SPHKAP: variants seen among roughly 807,000 people sequenced by gnomAD.
SPHKAP encodes the protein SPHK1 interactor, AKAP domain containing, also known as A-kinase anchor protein SPHKAP.
A neutral mutation model predicts 137.5 loss-of-function variants in SPHKAP; 67 were observed. The observed-to-expected ratio is 0.49, with a 90% CI of 0.40 to 0.60. SPHKAP has a LOEUF of 0.60. Ranked by LOEUF, SPHKAP falls within the 20% of genes least tolerant of loss-of-function variation. SPHKAP has a pLI of 0.00. For missense variants in SPHKAP, 2,097 were observed against 2,069.3 expected (o/e 1.01, Z -0.26); for synonymous variants, 813 against 785.3 (o/e 1.04, Z -0.59).
intron 1 of SPHKAP, among the ~76,000 whole-genome samples, chr2:228,172,424 G>A (rs1450279325): frequency 6.6e-6 from 1 of 152,168 alleles, no homozygotes; most frequent in Non-Finnish European, 1.5e-5. Context: ...TGGTCAGGGT[G>A]AGACTCATTT....
At chr2:228,109,004 T>TCA in intron 2 of SPHKAP, 65 bp from the exon 3 acceptor site, 7 of 939,570 alleles carry the variant, frequency 7.5e-6, no homozygotes, top group Non-Finnish European at 1.0e-5. Flanking sequence ...AGCAGCTCTC[T>TCA]CTCTTTTTTT....
intron 3 of SPHKAP, among the ~76,000 whole-genome samples, chr2:228,030,992 G>A (rs1454039478): frequency 6.6e-6 from 1 of 152,192 alleles, no homozygotes; most frequent in African/African-American, 2.4e-5. Context: ...TTCTATCTGA[G>A]GTACCAGGCT....
At chr2:228,092,164 TGTGTACACACAC>T (rs1697769411) in intron 3 of SPHKAP, among the ~76,000 whole-genome samples, 1 of 112,076 alleles carries the variant, frequency 8.9e-6, no homozygotes, top group African/African-American at 3.4e-5. Flanking sequence ...TACATATATG[TGTGTACACACAC>T]ATGTGTGTAC....
At chr2:228,059,637 T>G (rs1696568373) in intron 3 of SPHKAP, among the ~76,000 whole-genome samples, 2 of 152,184 alleles carry the variant, frequency 1.3e-5, no homozygotes. Context: ...AATTCTTGTC[T>G]TTAGGTAACA....
chr2:228,045,347 A>T (rs77638755), intron 3 of SPHKAP, among the ~76,000 whole-genome samples: 2 of 121,784 alleles, frequency 1.6e-5, no homozygotes, highest in African/African-American at 6.6e-5. Context: ...TGGAACCAAC[A>T]CAAATGTCCA....
At chr2:228,140,849 C>T (rs1187774200) in intron 1 of SPHKAP, among the ~76,000 whole-genome samples, 3 of 152,084 alleles carry the variant, frequency 2.0e-5, no homozygotes, top group African/African-American at 7.2e-5. Context: ...ATGCCCACTC[C>T]CCCTTTGTCT....
Position 228,173,526 on chromosome 2 carries a change from T to C in SPHKAP, c.32+8041A>G, listed in dbSNP as rs535651230. 5.7e-4 allele frequency among the ~76,000 whole-genome samples: 87 copies of C among 152,276 alleles called. 2 individuals are homozygous for C. In the South Asian group the frequency reaches 0.018, roughly 31 times the overall value. ...GCAGAAAAGGAGGTCAGAAGTCAGA[T>C]GGTGTGATGGGAGAAAAGGACTCAA... On this transcript the variant is annotated intron_variant, in intron 1 of 11. Coordinates refer to ENST00000392056, the MANE Select transcript of SPHKAP (RefSeq NM_001142644.2).
chr2:228,153,052 G>A (rs1699985759), intron 1 of SPHKAP, among the ~76,000 whole-genome samples: 1 of 152,020 alleles, frequency 6.6e-6, no homozygotes, highest in Admixed American at 6.6e-5. Context: ...ATTCTCTCTT[G>A]TCTGCTGCCA....
intron 2 of SPHKAP, among the ~76,000 whole-genome samples, chr2:228,118,546 T>C (rs1232543724): frequency 6.6e-6 from 1 of 152,116 alleles, no homozygotes; most frequent in East Asian, 1.9e-4. Context: ...ATTTTTGCTT[T>C]TACATTTATT....
intron 8 of SPHKAP, among the ~76,000 whole-genome samples, chr2:227,994,798 T>G (rs1202501652): frequency 6.6e-6 from 1 of 152,216 alleles, no homozygotes; most frequent in African/African-American, 2.4e-5. Context: ...TGTGAAATGT[T>G]AAGTCTAAAC....
chr2:228,161,468 A>G (rs1189548234), intron 1 of SPHKAP, among the ~76,000 whole-genome samples: 1 of 152,172 alleles, frequency 6.6e-6, no homozygotes, highest in African/African-American at 2.4e-5. Context: ...AAAACCAAAC[A>G]CTGCATATTC....
chr2:227,980,461 C>A lies in SPHKAP; in HGVS notation c.*1256G>T, dbSNP rs1019354304. The A allele has an allele frequency of 2.6e-5, 4 of 152,130 alleles. No individual in the cohort carries two copies. Among genetic ancestry groups the A allele is most frequent in the African/African-American group, 9.7e-5 (4 of 41,414 alleles). 9.4% of individuals were successfully genotyped at this position (152,130 alleles called of 1,614,324 possible). On this transcript the variant is annotated 3_prime_UTR_variant, in exon 12 of 12. Transcript: ENST00000392056. ...GTTATCCAGAAGTCCTTAATAAACA[C>A]CTCTTTGATCAAGAAAATAAAAGTC...
chr2:228,127,657 T>C (rs1354379081), intron 2 of SPHKAP, among the ~76,000 whole-genome samples: 1 of 152,202 alleles, frequency 6.6e-6, no homozygotes, highest in Non-Finnish European at 1.5e-5. Flanking sequence ...TCCTTCTGAG[T>C]ACCTTCTGCT....
intron 3 of SPHKAP, among the ~76,000 whole-genome samples, chr2:228,046,853 C>T (rs1026737122): frequency 6.6e-6 from 1 of 152,140 alleles, no homozygotes; most frequent in African/African-American, 2.4e-5. Context: ...GAAGAGACAA[C>T]ACTATCTGGG....
chr2:228,004,253 T>C (rs1694035309), intron 7 of SPHKAP, among the ~76,000 whole-genome samples: 1 of 152,220 alleles, frequency 6.6e-6, no homozygotes, highest in Non-Finnish European at 1.5e-5. Context: ...GTTATTGGTC[T>C]ATTCAGAGAT....
At chr2:228,032,984 A>C (rs1695406206) in intron 3 of SPHKAP, among the ~76,000 whole-genome samples, 2 of 152,214 alleles carry the variant, frequency 1.3e-5, no homozygotes, top group Non-Finnish European at 2.9e-5. Flanking sequence ...CGAGCAAAAT[A>C]ACCAGCTAAC....
chr2:228,031,312 C>T (rs532885658), intron 3 of SPHKAP, among the ~76,000 whole-genome samples: 5 of 152,160 alleles, frequency 3.3e-5, no homozygotes, highest in Admixed American at 1.3e-4. Flanking sequence ...AGCAGCGAGG[C>T]TGGGGGAGGG....
intron 7 of SPHKAP, among the ~76,000 whole-genome samples, chr2:228,012,673 C>T (rs753303868): frequency 1.3e-5 from 2 of 152,122 alleles, no homozygotes; most frequent in Non-Finnish European, 2.9e-5. Context: ...TGTTTTCAGC[C>T]CCAAGGCCAA....
chr2:228,030,639 A>G (rs1695271596), intron 3 of SPHKAP, among the ~76,000 whole-genome samples: 1 of 151,370 alleles, frequency 6.6e-6, no homozygotes, highest in South Asian at 2.1e-4. Flanking sequence ...CAAGAAAGCT[A>G]GAACTTAAAA....
Sources: allele counts gnomAD v4.1 joint callset (sites outside exome capture counted in the v4.1 genomes callset), GRCh38; gene constraint gnomAD v4.1.1; transcripts MANE v1.5; gene names NCBI Gene and HGNC (gene_info 2026-07-23, HGNC 2026-07-21).